RIMBP2: variants seen among roughly 807,000 people sequenced by gnomAD.
RIMBP2 encodes the protein RIMS binding protein 2.
Under a neutral mutation model 118.6 loss-of-function variants are expected in RIMBP2, and 48 were observed. The ratio of observed to expected loss-of-function variants is 0.40; its 90% confidence interval spans 0.32 to 0.51. RIMBP2 has a LOEUF of 0.51. RIMBP2 is among the 20% of genes least tolerant of loss of function. RIMBP2 has a pLI of 0.41. For missense variants in RIMBP2, 1,551 were observed against 1,768.3 expected, an observed-to-expected ratio of 0.88 and a Z score of 2.20; for synonymous variants, 762 against 742.9, an observed-to-expected ratio of 1.03 and a Z score of -0.42.
chr12:130,457,431 C>A (rs993014320), intron 6 of RIMBP2, among the ~76,000 whole-genome samples: 2 of 152,306 alleles, frequency 1.3e-5, no homozygotes, highest in African/African-American at 4.8e-5. Context: ...TGTCCAGTCT[C>A]GGGACATCTC....
chr12:130,650,028 GA>G lies in RIMBP2; in HGVS notation c.-351-21573del, dbSNP rs1162149250. Among the ~76,000 whole-genome samples, 1,202 of 143,212 alleles carry G rather than the reference GA, an allele frequency of 8.4e-3. 8 individuals are homozygous for G. Among genetic ancestry groups the G allele is most frequent in the South Asian group, 0.028 (126 of 4,560 alleles). The allele number at this position is 143,212 out of a possible 152,430, so 94.0% of individuals were successfully genotyped here. ...AGGTGCAGAGTATATTGTTGAAGCT[GA>G]AAAAAAAAAACCAAACCTGAGGACC... On this transcript the variant is annotated intron_variant, in intron 1 of 22. Transcript: ENST00000690449.
chr12:130,616,425 C>T (rs1566374535), intron 2 of RIMBP2, among the ~76,000 whole-genome samples: 1 of 152,186 alleles, frequency 6.6e-6, no homozygotes, highest in Non-Finnish European at 1.5e-5. Context: ...TGGCTCGGGC[C>T]AGTGCGGAAT....
At chr12:130,492,804 C>T (rs978373833) in intron 4 of RIMBP2, among the ~76,000 whole-genome samples, 24 of 152,148 alleles carry the variant, frequency 1.6e-4, no homozygotes, top group African/African-American at 4.6e-4. Context: ...CCTAGGTTGT[C>T]GCAAGAATGA....
Position 130,450,476 on chromosome 12 carries a change from T to TA in RIMBP2, c.505-201_505-200insT, listed in dbSNP as rs1489798594. ...AGGGTGGTCCCTCGGTGTGGACCCC[T>TA]TATTACATAGGCCCCCTCTGTGTTT... On this transcript the variant is annotated intron_variant, in intron 8 of 22. Transcript: ENST00000690449. The surrounding 1 kb of genome is among the most constrained non-coding windows in gnomAD (Gnocchi z 4.8). Among the ~76,000 whole-genome samples, 1 of 151,822 alleles carries TA rather than the reference T, an allele frequency of 6.6e-6. No individual in the cohort carries two copies. The highest frequency in any genetic ancestry group is 1.5e-5 in the Non-Finnish European group (1 of 67,982).
chr12:130,592,853 C>T (rs979076451), intron 2 of RIMBP2, among the ~76,000 whole-genome samples: 4 of 152,058 alleles, frequency 2.6e-5, no homozygotes, highest in African/African-American at 9.7e-5. Context: ...AGATGGACAG[C>T]GAGCTGGTGA....
intron 1 of RIMBP2, among the ~76,000 whole-genome samples, chr12:130,629,669 T>G (rs181714568): frequency 4.1e-4 from 63 of 152,280 alleles, no homozygotes; most frequent in Admixed American, 9.8e-4. Context: ...AGGTGGATGC[T>G]ACCCCTCACC....
chr12:130,458,967 C>A (rs1332686307), intron 6 of RIMBP2, among the ~76,000 whole-genome samples: 3 of 151,208 alleles, frequency 2.0e-5, no homozygotes, highest in African/African-American at 7.3e-5. Context: ...TCACTTGAAC[C>A]CGGGAGGCAG....
chr12:130,592,628 G>A (rs781235631), intron 2 of RIMBP2, among the ~76,000 whole-genome samples: 8 of 151,518 alleles, frequency 5.3e-5, no homozygotes, highest in African/African-American at 9.7e-5. Flanking sequence ...GGCAGAGGTT[G>A]CAGTGAGCTG....
chr12:130,437,075 G>A lies in RIMBP2; in HGVS notation c.1873C>T (p.Pro625Ser). Residue 625 changes from proline (P) to serine (S), a missense_variant, in exon 13 of 23, where the codon CCC (proline) becomes TCC (serine). By Grantham distance (74) the Pro-to-Ser change is moderately conservative. Coordinates refer to ENST00000690449, the MANE Select transcript of RIMBP2 (RefSeq NM_001393629.1). ...QSKPLASSGV[P>S]ETKDEHLGPH... ...CCCAGGTGCTCGTCTTTGGTTTCGG[G>A]GACTCCAGAACTTGCTAATGGCTTT... 1 of 1,573,778 alleles carries A rather than the reference G, an allele frequency of 6.4e-7. No individual in the cohort carries two copies. Among genetic ancestry groups the A allele is most frequent in the Admixed American group, 1.8e-5 (1 of 56,388 alleles).
chr12:130,643,011 G>A (rs976850516), intron 1 of RIMBP2, among the ~76,000 whole-genome samples: 7 of 152,162 alleles, frequency 4.6e-5, no homozygotes, highest in South Asian at 2.1e-4. Flanking sequence ...TTTGAGTCTC[G>A]GACTGGACAC....
chr12:130,671,996 C>T (rs2064222017), intron 1 of RIMBP2, among the ~76,000 whole-genome samples: 2 of 152,094 alleles, frequency 1.3e-5, no homozygotes, highest in African/African-American at 2.4e-5. Flanking sequence ...TATTTGCGTA[C>T]GTGTTCCTGG....
At position 130,525,623 on chromosome 12, in the gene RIMBP2, GGTGCAGA is replaced by G; in HGVS notation, c.-216-7713_-216-7707del. 6.6e-6 allele frequency among the ~76,000 whole-genome samples: 1 copy of G among 152,144 alleles called. No homozygotes were observed. Among genetic ancestry groups the G allele is most frequent in the Non-Finnish European group, 1.5e-5 (1 of 68,028 alleles). On this transcript the variant is annotated intron_variant, in intron 2 of 22. Transcript: ENST00000690449. This position sits in a 1 kb window ranked among gnomAD's most constrained non-coding sequence, Gnocchi z 4.4. The stretch of plus-strand genomic sequence containing the variant: ...GGTAACGTTCATGGGGGCATTGGCA[GGTGCAGA>G]TGGACACATGGGGAAGGCATGAGGG...
At chr12:130,583,973 ACAT>A (rs1414135969) in intron 2 of RIMBP2, among the ~76,000 whole-genome samples, 1 of 149,180 alleles carries the variant, frequency 6.7e-6, no homozygotes, top group Non-Finnish European at 1.5e-5. Context: ...CACCACCAAC[ACAT>A]CATCATCACC....
At chr12:130,616,970 G>GC (rs1272731902) in intron 2 of RIMBP2, among the ~76,000 whole-genome samples, 1 of 152,198 alleles carries the variant, frequency 6.6e-6, no homozygotes, top group African/African-American at 2.4e-5. Context: ...CTTGGCGTCA[G>GC]CTGCTGACCT....
chr12:130,502,457 C>CT (rs2049893580), intron 4 of RIMBP2, among the ~76,000 whole-genome samples: 1 of 152,066 alleles, frequency 6.6e-6, no homozygotes, highest in Admixed American at 6.6e-5. Context: ...GTCCGGCCCA[C>CT]TTTCTTCTCC....
At chr12:130,478,212 T>C (rs552279490) in intron 5 of RIMBP2, among the ~76,000 whole-genome samples, 1 of 152,336 alleles carries the variant, frequency 6.6e-6, no homozygotes, top group African/African-American at 2.4e-5. Flanking sequence ...CTCTCCTTTC[T>C]CTCCTGATTT....
rs1013877967 is a variant in RIMBP2, at chr12:130,450,384, C to T, written c.505-108G>A. On this transcript the variant is annotated intron_variant, in intron 8 of 22. Transcript: ENST00000690449. The surrounding 1 kb of genome is among the most constrained non-coding windows in gnomAD (Gnocchi z 4.8). Reference sequence around the variant, plus strand: ...GCAGCTTCCTGGGCCCCAGGAGGGACGGCCTGAGACTGTGGCACTCCCAGG... The same window carrying T: ...GCAGCTTCCTGGGCCCCAGGAGGGATGGCCTGAGACTGTGGCACTCCCAGG... 8 of 775,714 alleles carry T rather than the reference C, an allele frequency of 1.0e-5. No individual in the cohort carries two copies. Among genetic ancestry groups the T allele is most frequent in the East Asian group, 2.8e-5 (1 of 35,872 alleles). The allele number at this position is 775,714 out of a possible 1,614,324, so 48.1% of individuals were successfully genotyped here.
intron 4 of RIMBP2, among the ~76,000 whole-genome samples, chr12:130,486,990 CA>C (rs2082548885): frequency 6.6e-6 from 1 of 152,184 alleles, no homozygotes; most frequent in Non-Finnish European, 1.5e-5. Context: ...CAAAGGCTGC[CA>C]ACTGCACCGG....
chr12:130,621,709 G>A lies in RIMBP2; in HGVS notation c.-217+6613C>T, dbSNP rs989025339. Among the ~76,000 whole-genome samples the A allele has an allele frequency of 1.3e-5, 2 of 152,210 alleles. No individual in the cohort carries two copies. The highest frequency in any genetic ancestry group is 4.8e-5 in the African/African-American group (2 of 41,450). On this transcript the variant is annotated intron_variant, in intron 2 of 22. Coordinates refer to ENST00000690449, the MANE Select transcript of RIMBP2 (RefSeq NM_001393629.1). The surrounding 1 kb of genome is among the most constrained non-coding windows in gnomAD (Gnocchi z 6.6). ...AGGGCCCGAGTTTACCAAGAGACAC[G>A]AGTGAAATGGATGATACCGAGACCT...
Sources: gnomAD v4.1 joint callset for allele counts (sites outside exome capture counted in the v4.1 genomes callset) on GRCh38, gnomAD v4.1.1 for gene constraint, Gnocchi (gnomAD v3.1) non-coding constraint, MANE v1.5 for transcripts, NCBI Gene and HGNC (gene_info 2026-07-23, HGNC 2026-07-21) for gene names.